The following MYO1F variants were observed in gnomAD, a reference collection of about 807,000 sequenced individuals.
MYO1F encodes the protein unconventional myosin-If.
Under a neutral mutation model 146.6 loss-of-function variants are expected in MYO1F, and 60 were observed. The ratio of observed to expected loss-of-function variants is 0.41; its 90% CI spans 0.33 to 0.51. MYO1F has a LOEUF of 0.51. Among genes scored for constraint, MYO1F ranks in the 20% least tolerant of loss-of-function variants. The pLI is 0.25. For missense variants in MYO1F, 1,274 were observed against 1,534.3 expected (o/e 0.83, Z 2.83); for synonymous variants, 602 against 602.1 (o/e 1.00, Z 0.00).
At chr19:8,540,206 G>T (rs1972902276) in intron 15 of MYO1F, 178 bp from the exon 16 acceptor site, 1 of 555,398 alleles carries the variant, frequency 1.8e-6, no homozygotes, top group South Asian at 2.5e-5. Flanking sequence ...TTGAGGCAGG[G>T]CCTCGCTTTG....
Position 8,554,643 on chromosome 19 carries a change from C to G in MYO1F, c.231+11G>C. The G allele has an allele frequency of 6.2e-7, 1 of 1,613,908 alleles. No individual in the cohort carries two copies. Among genetic ancestry groups the G allele is most frequent in the Non-Finnish European group, 8.5e-7 (1 of 1,179,948 alleles). On this transcript the variant is annotated intron_variant, in intron 3 of 27. Transcript: ENST00000644032. The stretch of plus-strand genomic sequence containing the variant: ...CTGGGGGCTGTGCCTCCCACCCAGC[C>G]CCAGCCTCACCGCGCCCTGATAGAG...
At position 8,548,130 on chromosome 19, in the gene MYO1F, A is replaced by G. The variant is rs1158911598; in HGVS notation, c.1183-8T>C. ...CTGCTCGAAGCCATTTTTCTGCAGA[A>G]GGAGGAAAAGGGTCCTTCCCTCAAT... On this transcript the variant is annotated splice_region_variant and splice_polypyrimidine_tract_variant and intron_variant, in intron 11 of 27. Transcript: ENST00000644032. 1.2e-5 allele frequency: 19 copies of G among 1,613,986 alleles called. No homozygotes were observed. Among genetic ancestry groups the G allele is most frequent in the Non-Finnish European group, 1.4e-5 (17 of 1,179,920 alleles).
At chr19:8,547,983 T>TGC in intron 12 of MYO1F, 53 bp downstream of exon 12, 80 of 1,371,008 alleles carry the variant, frequency 5.8e-5, no homozygotes, top group Non-Finnish European at 7.9e-5. Context: ...TCATGGTCCT[T>TGC]CCACCCCACC....
At chr19:8,554,629 G>T in intron 3 of MYO1F, 25 bp downstream of exon 3, 6 of 1,612,932 alleles carry the variant, frequency 3.7e-6, no homozygotes, top group Non-Finnish European at 5.1e-6. Context: ...TGGGGGCTGT[G>T]CCTCCCACCC....
Position 8,539,977 on chromosome 19 carries a change from C to T in MYO1F, c.1662G>A (p.Gly554=), listed in dbSNP as rs758337805. The T allele has an allele frequency of 1.4e-5, 22 of 1,612,470 alleles. No homozygotes were observed. The highest frequency in any genetic ancestry group is 1.1e-4 in the South Asian group (10 of 90,898). ...TCTTGGAGCCGGCGGTGCTGGGGCG[C>T]CCCTTCTTGTCTCCATCCAGCTTCT... The part of the protein sequence containing the change: ...FPEKLDGDKK[G]RPSTAGSKIK... Residue 554 remains glycine, a synonymous_variant, in exon 16 of 28, where the codon GGG becomes GGA. Coordinates refer to ENST00000644032, the MANE Select transcript of MYO1F (RefSeq NM_012335.4).
At chr19:8,566,355 G>A (rs1449189855) in intron 1 of MYO1F, among the ~76,000 whole-genome samples, 2 of 151,316 alleles carry the variant, frequency 1.3e-5, no homozygotes, top group East Asian at 3.9e-4. Context: ...TTTTAGTAGA[G>A]ATGGGCTTTC....
chr19:8,559,354 G>C (rs1383030272), intron 1 of MYO1F, among the ~76,000 whole-genome samples: 1 of 126,242 alleles, frequency 7.9e-6, no homozygotes, highest in Non-Finnish European at 1.7e-5. Flanking sequence ...GGGGGGTGGG[G>C]GTGGAGGTGC....
chr19:8,530,013 T>C lies in MYO1F; in HGVS notation c.2328+183A>G. ...GAGGGTATACCTGTGATGGAACAGA[T>C]GGATCTAGGCTGGGGGATCTATGCC... On this transcript the variant is annotated intron_variant, in intron 21 of 27. Coordinates refer to ENST00000644032, the MANE Select transcript of MYO1F (RefSeq NM_012335.4). This position sits in a 1 kb window ranked among gnomAD's most constrained non-coding sequence, Gnocchi z 5.8. The C allele has an allele frequency of 1.3e-6, 1 of 784,192 alleles. No homozygotes were observed. The allele number at this position is 784,192 out of a possible 1,614,324, so 48.6% of individuals were successfully genotyped here.
chr19:8,546,366 CT>C (rs150811028), intron 12 of MYO1F, among the ~76,000 whole-genome samples: 32,492 of 144,954 alleles, frequency 0.22, 7,493 homozygotes, highest in African/African-American at 0.58. Context: ...ACACAGCTTG[CT>C]TTTTTTTTTT....
At chr19:8,542,037 C>A (rs772926234) in intron 14 of MYO1F, 46 bp from the exon 15 acceptor site, 1 of 1,476,544 alleles carries the variant, frequency 6.8e-7, no homozygotes, top group Non-Finnish European at 9.4e-7. Flanking sequence ...AGAAACCTGG[C>A]TGGGAGGGTG....
intron 23 of MYO1F, 79 bp downstream of exon 23, chr19:8,526,710 C>T (rs1972284692): frequency 1.3e-6 from 2 of 1,532,612 alleles, no homozygotes; most frequent in South Asian, 1.2e-5. Context: ...AAGCGCAGTT[C>T]GGCCGGGTCG....
chr19:8,525,333 C>G (rs1972220301), intron 25 of MYO1F, 146 bp downstream of exon 25: 1 of 685,804 alleles, frequency 1.5e-6, no homozygotes, highest in Non-Finnish European at 2.5e-6. Context: ...AGCCTTTATT[C>G]TGCGGGAGAT....
intron 21 of MYO1F, among the ~76,000 whole-genome samples, chr19:8,528,173 G>T (rs894887130): frequency 3.9e-5 from 6 of 152,030 alleles, no homozygotes; most frequent in African/African-American, 1.4e-4. Flanking sequence ...AGTGAGCCGA[G>T]ATCCTGCCAC....
At chr19:8,538,133 T>C (rs1972807730) in intron 16 of MYO1F, among the ~76,000 whole-genome samples, 2 of 150,204 alleles carry the variant, frequency 1.3e-5, no homozygotes, top group Non-Finnish European at 3.0e-5. Flanking sequence ...TTTTTTTTTA[T>C]ATATATATTT....
At chr19:8,546,756 A>G (rs112163085) in intron 12 of MYO1F, among the ~76,000 whole-genome samples, 33,178 of 151,732 alleles carry the variant, frequency 0.22, 7,713 homozygotes, top group African/African-American at 0.58. Context: ...TCGACTCACT[A>G]CAAGCTCTGC....
At chr19:8,545,402 T>C (rs1234231238) in intron 13 of MYO1F, 2 of 496,782 alleles carry the variant, frequency 4.0e-6, no homozygotes, top group Non-Finnish European at 7.5e-6. Flanking sequence ...CAAATTTGAC[T>C]CTAACTGTGA....
chr19:8,573,324 G>A (rs1434594773), intron 1 of MYO1F, among the ~76,000 whole-genome samples: 1 of 150,654 alleles, frequency 6.6e-6, no homozygotes, highest in East Asian at 2.0e-4. Flanking sequence ...AAAAAAAGAA[G>A]AGACAATCAC....
intron 6 of MYO1F, 93 bp from the exon 7 acceptor site, chr19:8,552,257 C>T: frequency 1.5e-6 from 2 of 1,342,836 alleles, no homozygotes; most frequent in African/African-American, 1.5e-5. Flanking sequence ...TGCCTCTCTT[C>T]CCTTCTTCCT....
chr19:8,553,922 T>G (rs984889021), intron 4 of MYO1F, among the ~76,000 whole-genome samples: 1 of 149,012 alleles, frequency 6.7e-6, no homozygotes, highest in African/African-American at 2.5e-5. Context: ...TCTCTCTCTC[T>G]CGCTCTCTTT....
Sources: allele counts gnomAD v4.1 joint callset (sites outside exome capture counted in the v4.1 genomes callset), GRCh38; gene constraint gnomAD v4.1.1; non-coding constraint Gnocchi (gnomAD v3.1); transcripts MANE v1.5; gene names NCBI Gene and HGNC (gene_info 2026-07-23, HGNC 2026-07-21).